OPA1: variants seen among roughly 807,000 people sequenced by gnomAD.
The protein encoded by OPA1 is dynamin-like GTPase OPA1, mitochondrial.
OPA1 carries 59 observed loss-of-function variants against 152.9 expected under a neutral mutation model. The ratio of observed to expected loss-of-function variants is 0.39; its 90% CI spans 0.31 to 0.48. The LOEUF (loss-of-function observed/expected upper bound fraction) is 0.48. OPA1 is among the 20% of genes least tolerant of loss of function. The pLI is 0.96. For missense variants in OPA1, 1,008 were observed against 1,216.8 expected, an observed-to-expected ratio of 0.83 and a Z score of 2.55; for synonymous variants, 400 against 389.9, an observed-to-expected ratio of 1.03 and a Z score of -0.31.
At chr3:193,598,247 A>G (rs1312794007) in intron 1 of OPA1, among the ~76,000 whole-genome samples, 3 of 152,170 alleles carry the variant, frequency 2.0e-5, no homozygotes, top group African/African-American at 7.2e-5. Flanking sequence ...ATTGGTGGAG[A>G]TACAGTAGGT....
At chr3:193,659,066 T>A in intron 24 of OPA1, 71 bp downstream of exon 24, 1 of 983,326 alleles carries the variant, frequency 1.0e-6, no homozygotes, top group South Asian at 1.3e-5. Context: ...TTAGTGAACA[T>A]TTGTAGAAAT....
chr3:193,667,452 C>A (rs1577336554), intron 29 of OPA1, 172 bp downstream of exon 29: 1 of 654,504 alleles, frequency 1.5e-6, no homozygotes, highest in Non-Finnish European at 2.9e-6. Flanking sequence ...GGGTGGAAAA[C>A]AAGGTCAGAA....
intron 22 of OPA1, 77 bp downstream of exon 22, chr3:193,655,104 C>A: frequency 7.9e-7 from 1 of 1,273,302 alleles, no homozygotes; most frequent in Admixed American, 1.8e-5. Context: ...AGATTTTATT[C>A]CCATCACAGC....
At chr3:193,608,889 G>T (rs532664410) in intron 1 of OPA1, among the ~76,000 whole-genome samples, 2 of 152,256 alleles carry the variant, frequency 1.3e-5, no homozygotes, top group East Asian at 3.9e-4. Flanking sequence ...GGGTGCTCCT[G>T]TATTGGTTGC....
chr3:193,613,469 A>G (rs1056162693), intron 1 of OPA1, among the ~76,000 whole-genome samples: 1 of 152,198 alleles, frequency 6.6e-6, no homozygotes, highest in Non-Finnish European at 1.5e-5. Context: ...TCTGGTATGT[A>G]TAGGAACACA....
chr3:193,633,110 A>T (rs1036825669), intron 8 of OPA1, among the ~76,000 whole-genome samples: 6 of 147,932 alleles, frequency 4.1e-5, no homozygotes, highest in Non-Finnish European at 9.0e-5. Context: ...CACTATATCT[A>T]TGTTTTTAAG....
At chr3:193,675,006 T>C (rs1372927822) in intron 29 of OPA1, among the ~76,000 whole-genome samples, 1 of 152,168 alleles carries the variant, frequency 6.6e-6, no homozygotes, top group African/African-American at 2.4e-5. Context: ...AAGAGTTCTT[T>C]CAGTGCATAG....
At chr3:193,648,893 C>T in intron 21 of OPA1, 22 bp downstream of exon 21, 1 of 1,461,542 alleles carries the variant, frequency 6.8e-7, no homozygotes. Flanking sequence ...ATATTAATCT[C>T]TTTTCTGAAA....
intron 29 of OPA1, among the ~76,000 whole-genome samples, chr3:193,688,444 CTTTTCT>C (rs1721221323): frequency 2.6e-5 from 1 of 38,520 alleles, no homozygotes; most frequent in African/African-American, 6.9e-5. Context: ...TGAAATGGGT[CTTTTCT>C]TTTTTTTTTT....
chr3:193,641,313 A>G (rs1733750927), intron 11 of OPA1, among the ~76,000 whole-genome samples: 2 of 152,112 alleles, frequency 1.3e-5, no homozygotes, highest in African/African-American at 4.8e-5. Context: ...TCCTTGACCA[A>G]CCCTGAATTC....
At chr3:193,618,776 A>G in intron 5 of OPA1, 93 bp from the exon 6 acceptor site, 1 of 1,015,184 alleles carries the variant, frequency 9.9e-7, no homozygotes, top group Non-Finnish European at 1.6e-6. Flanking sequence ...CTAAAAATCC[A>G]TTCACCTTTT....
intron 30 of OPA1, among the ~76,000 whole-genome samples, chr3:193,693,890 A>G (rs1420431807): frequency 1.3e-5 from 2 of 152,242 alleles, no homozygotes; most frequent in African/African-American, 4.8e-5. Context: ...CTTTAGCACC[A>G]GAGCTTACAT....
chr3:193,611,179 G>A (rs112001145), intron 1 of OPA1, among the ~76,000 whole-genome samples: 4,607 of 152,250 alleles, frequency 0.03, 64 homozygotes, highest in African/African-American at 0.035. Context: ...TCTTGGAACC[G>A]CCCGATTGTG....
At chr3:193,668,653 C>A in intron 29 of OPA1, 1 of 1,488,360 alleles carries the variant, frequency 6.7e-7, no homozygotes, top group Non-Finnish European at 9.0e-7. Context: ...CTCCTCAGTA[C>A]TGGACCAGGC....
chr3:193,632,431 A>C (rs934555381), intron 8 of OPA1, among the ~76,000 whole-genome samples: 3 of 152,158 alleles, frequency 2.0e-5, no homozygotes, highest in Non-Finnish European at 2.9e-5. Context: ...CAGTGAGCCC[A>C]GATGGCGCCA....
intron 3 of OPA1, 139 bp from the exon 4 acceptor site, chr3:193,617,039 C>T (rs1015617348): frequency 1.3e-5 from 8 of 607,084 alleles, no homozygotes; most frequent in African/African-American, 1.1e-4. Context: ...AGTTTCTCAT[C>T]TGTAAATGGT....
chr3:193,677,483 T>C (rs1291631141), intron 29 of OPA1, among the ~76,000 whole-genome samples: 1 of 152,098 alleles, frequency 6.6e-6, no homozygotes, highest in Non-Finnish European at 1.5e-5. Flanking sequence ...ATAGAAAAAG[T>C]AGAATGTAGT....
chr3:193,617,020 G>C (rs560162355), intron 3 of OPA1, among the ~76,000 whole-genome samples, 158 bp from the exon 4 acceptor site: 1 of 152,346 alleles, frequency 6.6e-6, no homozygotes, highest in East Asian at 1.9e-4. Context: ...CTTCCTTGCT[G>C]TGTACCTTAG....
intron 6 of OPA1, among the ~76,000 whole-genome samples, chr3:193,623,753 C>A (rs1730570857): frequency 6.6e-6 from 1 of 152,062 alleles, no homozygotes; most frequent in Non-Finnish European, 1.5e-5. Flanking sequence ...GTGGTTTGTA[C>A]ATCTGAGGAG....
Sources: allele counts gnomAD v4.1 joint callset (sites outside exome capture counted in the v4.1 genomes callset), GRCh38; gene constraint gnomAD v4.1.1; transcripts MANE v1.5; gene names NCBI Gene and HGNC (gene_info 2026-07-23, HGNC 2026-07-21).